Variants in ASB4 observed in about 807,000 individuals in gnomAD.
ASB4 encodes the protein ankyrin repeat and SOCS box containing 4.
ASB4 carries 35 observed loss-of-function variants against 38.6 expected under a neutral mutation model. That is an observed-to-expected ratio of 0.91 (90% CI 0.69 to 1.20). The LOEUF (loss-of-function observed/expected upper bound fraction) is 1.20, where lower values mean the gene tolerates loss of function less well. Among genes scored for constraint, ASB4 ranks in the 50% most tolerant of loss-of-function variants. The probability of loss-of-function intolerance (pLI) is 0.00; values close to 1 mark genes in which losing one functional copy is unlikely to be tolerated. For synonymous variants in ASB4, 195 were observed against 201.3 expected (o/e 0.97, Z 0.26); for missense variants, 557 against 527.2 (o/e 1.06, Z -0.55).
chr7:95,479,809 A>C (rs1406447328), intron 1 of ASB4, among the ~76,000 whole-genome samples: 1 of 152,192 alleles, frequency 6.6e-6, no homozygotes, highest in Non-Finnish European at 1.5e-5. Context: ...AAATAAATGC[A>C]TATTCATCAG....
At chr7:95,490,125 A>T (rs1195228731) in intron 1 of ASB4, among the ~76,000 whole-genome samples, 2 of 152,258 alleles carry the variant, frequency 1.3e-5, no homozygotes, top group Non-Finnish European at 2.9e-5. Flanking sequence ...GTTGGTAGTC[A>T]TATTTTTAAT....
chr7:95,505,686 T>TCCC (rs11359538), intron 2 of ASB4, among the ~76,000 whole-genome samples: 1 of 130,546 alleles, frequency 7.7e-6, no homozygotes, highest in African/African-American at 2.9e-5. Context: ...TCTATCCGTG[T>TCCC]CCCCCCCCCC....
intron 1 of ASB4, 113 bp downstream of exon 1, chr7:95,486,271 T>A (rs2051935300): frequency 1.3e-6 from 1 of 776,774 alleles, no homozygotes; most frequent in African/African-American, 1.8e-5. Flanking sequence ...AGTATTCATT[T>A]AAAAAATATT....
chr7:95,507,118 T>C (rs1186065087), intron 2 of ASB4, among the ~76,000 whole-genome samples: 3 of 152,156 alleles, frequency 2.0e-5, no homozygotes, highest in Non-Finnish European at 4.4e-5. Flanking sequence ...GGAATCTAAT[T>C]ATCTACGTAG....
At chr7:95,494,445 G>T (rs1248953542) in intron 1 of ASB4, among the ~76,000 whole-genome samples, 1 of 152,140 alleles carries the variant, frequency 6.6e-6, no homozygotes, top group Non-Finnish European at 1.5e-5. Flanking sequence ...AAATCCCTAG[G>T]TTGTTTCTCA....
At chr7:95,477,162 A>T (rs1358917054), upstream of ASB4, among the ~76,000 whole-genome samples, 2 of 152,090 alleles carry the variant, frequency 1.3e-5, no homozygotes, top group African/African-American at 4.8e-5. Context: ...TTATCGAGGA[A>T]CACTGCCATC....
chr7:95,528,631 T>A, intron 3 of ASB4: 1 of 1,256,198 alleles, frequency 8.0e-7, no homozygotes, highest in Non-Finnish European at 1.0e-6. Context: ...CAGGCATACA[T>A]TTGCCATCTT....
chr7:95,533,216 G>A (rs1427019526), intron 3 of ASB4, among the ~76,000 whole-genome samples: 1 of 152,032 alleles, frequency 6.6e-6, no homozygotes, highest in Admixed American at 6.6e-5. Flanking sequence ...TCAGTTTGGG[G>A]GTAGAATGTT....
intron 2 of ASB4, among the ~76,000 whole-genome samples, chr7:95,511,674 AT>A (rs1790484366): frequency 2.0e-5 from 3 of 151,856 alleles, no homozygotes; most frequent in African/African-American, 2.4e-5. Flanking sequence ...AAAAAAAAAA[AT>A]AAATAAATAA....
chr7:95,542,073 A>G (rs1417588454), downstream of ASB4: 3 of 145,232 alleles, frequency 2.1e-5, no homozygotes, highest in African/African-American at 7.8e-5. Flanking sequence ...ACTGTAAAAA[A>G]ACAAAAAAAA....
At chr7:95,491,101 C>CG (rs1247131282) in intron 1 of ASB4, among the ~76,000 whole-genome samples, 2 of 152,202 alleles carry the variant, frequency 1.3e-5, no homozygotes, top group Non-Finnish European at 1.5e-5. Flanking sequence ...AAGACCCTCT[C>CG]TAAGTTCAGA....
intron 2 of ASB4, among the ~76,000 whole-genome samples, chr7:95,515,222 TTTCTTTC>T (rs1790549368): frequency 1.6e-5 from 2 of 122,874 alleles, no homozygotes; most frequent in South Asian, 5.2e-4. Context: ...TCTTTCTTTC[TTTCTTTC>T]TTTTTCTTTC....
At chr7:95,527,095 A>G (rs1790747061) in intron 2 of ASB4, among the ~76,000 whole-genome samples, 1 of 152,306 alleles carries the variant, frequency 6.6e-6, no homozygotes, top group East Asian at 1.9e-4. Flanking sequence ...CTCTCTTTCA[A>G]TGAATATTTC....
chr7:95,529,985 T>C (rs1584093857), intron 3 of ASB4, among the ~76,000 whole-genome samples: 1 of 151,156 alleles, frequency 6.6e-6, no homozygotes, highest in African/African-American at 2.4e-5. Flanking sequence ...TTGCTGGAGG[T>C]AGAGCAATGA....
chr7:95,483,900 T>G (rs147264619), upstream of ASB4, among the ~76,000 whole-genome samples: 2 of 151,784 alleles, frequency 1.3e-5, no homozygotes, highest in African/African-American at 4.8e-5. Context: ...TCACAGAGAG[T>G]CAGTTGGGAG....
At position 95,501,724 on chromosome 7, in the gene ASB4, T is replaced by G. The variant is rs150716774; in HGVS notation, c.487+5667T>G. 5.1e-4 allele frequency among the ~76,000 whole-genome samples: 78 copies of G among 152,310 alleles called. No homozygotes were observed. The East Asian group carries it at 0.013, about 26-fold the overall frequency. ...CTTTCACTCCCTAGAGGTGTCACCT[T>G]TCCCAGCCGGTACAGTTATTCCCCA... On this transcript the variant is annotated intron_variant, in intron 2 of 4. Transcript: ENST00000325885.
chr7:95,480,282 A>G (rs567762223), intron 1 of ASB4, among the ~76,000 whole-genome samples: 5 of 152,188 alleles, frequency 3.3e-5, no homozygotes, highest in Non-Finnish European at 4.4e-5. Flanking sequence ...TAGCCCCTCC[A>G]CTGGTATAAA....
chr7:95,529,449 G>A (rs1350543839), intron 3 of ASB4, among the ~76,000 whole-genome samples: 3 of 152,204 alleles, frequency 2.0e-5, no homozygotes, highest in Admixed American at 1.3e-4. Flanking sequence ...AAGTCCTGCA[G>A]TGTGAGGCTT....
upstream of ASB4, among the ~76,000 whole-genome samples, chr7:95,475,964 A>G (rs984032689): frequency 9.8e-5 from 15 of 152,320 alleles, no homozygotes; most frequent in African/African-American, 3.6e-4. Flanking sequence ...CGGTCTCTAT[A>G]TATCAAGATC....
Sources: allele counts gnomAD v4.1 joint callset (sites outside exome capture counted in the v4.1 genomes callset), GRCh38; gene constraint gnomAD v4.1.1; transcripts MANE v1.5; gene names NCBI Gene and HGNC (gene_info 2026-07-23, HGNC 2026-07-21).